Variants in SKAP2 observed in about 807,000 individuals in gnomAD.
SKAP2 encodes src kinase-associated phosphoprotein 2.
SKAP2 carries 28 observed loss-of-function variants against 54.9 expected under a neutral mutation model. The observed-to-expected ratio is 0.51, with a 90% CI of 0.38 to 0.70. The LOEUF is 0.70. Among genes scored for constraint, SKAP2 ranks in the 30% least tolerant of loss-of-function variants. The pLI is 0.00. For missense variants in SKAP2, 356 were observed against 424.1 expected (o/e 0.84, Z 1.41); for synonymous variants, 137 against 134.3 (o/e 1.02, Z -0.14).
chr7:26,761,807 C>T (rs1782937009), intron 4 of SKAP2, among the ~76,000 whole-genome samples: 1 of 152,122 alleles, frequency 6.6e-6, no homozygotes, highest in East Asian at 1.9e-4. Flanking sequence ...GTCTGAGGCA[C>T]AAGAATTGGT....
chr7:26,705,955 T>G (rs893725940), intron 9 of SKAP2, among the ~76,000 whole-genome samples: 6 of 152,226 alleles, frequency 3.9e-5, no homozygotes, highest in African/African-American at 1.4e-4. Context: ...TAGGCTTTTT[T>G]TAAAGTAGAT....
intron 4 of SKAP2, among the ~76,000 whole-genome samples, chr7:26,841,820 T>C (rs906003900): frequency 4.5e-4 from 68 of 152,190 alleles, no homozygotes; most frequent in African/African-American, 1.6e-3. Context: ...GAAGTTTAGA[T>C]ACTTTCTTAG....
intron 9 of SKAP2, among the ~76,000 whole-genome samples, chr7:26,704,880 T>C (rs1016730927): frequency 3.9e-5 from 6 of 152,192 alleles, no homozygotes; most frequent in Admixed American, 3.3e-4. Flanking sequence ...AAGGGATAGG[T>C]TGAACTCTCA....
At chr7:26,678,695 C>A (rs931398807) in intron 11 of SKAP2, among the ~76,000 whole-genome samples, 3 of 152,136 alleles carry the variant, frequency 2.0e-5, no homozygotes, top group African/African-American at 7.2e-5. Flanking sequence ...CCTGCCTCGG[C>A]CTCCCAAAGT....
At chr7:26,729,847 C>A (rs1242016950) in intron 6 of SKAP2, among the ~76,000 whole-genome samples, 1 of 152,098 alleles carries the variant, frequency 6.6e-6, no homozygotes, top group Non-Finnish European at 1.5e-5. Context: ...AAGAAAACTT[C>A]ATTCCATCAA....
At chr7:26,821,582 T>C (rs3801822) in intron 4 of SKAP2, among the ~76,000 whole-genome samples, 32,220 of 152,032 alleles carry the variant, frequency 0.21, 3,469 homozygotes, top group Non-Finnish European at 0.24. Flanking sequence ...ATCAATGATT[T>C]GCCACATCTC....
At chr7:26,719,002 G>C (rs1480842176) in intron 9 of SKAP2, among the ~76,000 whole-genome samples, 2 of 152,038 alleles carry the variant, frequency 1.3e-5, no homozygotes, top group Non-Finnish European at 2.9e-5. Flanking sequence ...AGCATAGTAA[G>C]ACTCCATTTC....
chr7:26,792,569 T>A (rs552253996), intron 4 of SKAP2, among the ~76,000 whole-genome samples: 1 of 152,146 alleles, frequency 6.6e-6, no homozygotes, highest in African/African-American at 2.4e-5. Context: ...AACTCAGATA[T>A]AAATGGAAAA....
At chr7:26,811,927 T>C (rs1784155079) in intron 4 of SKAP2, among the ~76,000 whole-genome samples, 1 of 152,342 alleles carries the variant, frequency 6.6e-6, no homozygotes, top group Admixed American at 6.5e-5. Flanking sequence ...AGTAAAATGC[T>C]AGCAAAAGCT....
chr7:26,862,833 T>G (rs1785297379), intron 1 of SKAP2, among the ~76,000 whole-genome samples: 1 of 152,114 alleles, frequency 6.6e-6, no homozygotes, highest in African/African-American at 2.4e-5. Context: ...TGTTATTTCT[T>G]AAATTCAAAA....
chr7:26,657,013 G>T, the SKAP2 span, among the ~76,000 whole-genome samples: 1 of 152,084 alleles, frequency 6.6e-6, no homozygotes, highest in Non-Finnish European at 1.5e-5. Flanking sequence ...ACAGCTGGAG[G>T]TTTAAGTAAA....
intron 9 of SKAP2, among the ~76,000 whole-genome samples, chr7:26,708,611 T>C (rs1200559303): frequency 6.6e-6 from 1 of 152,228 alleles, no homozygotes; most frequent in Non-Finnish European, 1.5e-5. Flanking sequence ...CTTCAGTATG[T>C]TCTATAGGTG....
chr7:26,831,011 G>A (rs1161875294), intron 4 of SKAP2, among the ~76,000 whole-genome samples: 4 of 152,054 alleles, frequency 2.6e-5, no homozygotes, highest in African/African-American at 7.2e-5. Flanking sequence ...AGAATTATGA[G>A]GTTTTGATTG....
At chr7:26,797,485 C>A (rs1421906542) in intron 4 of SKAP2, among the ~76,000 whole-genome samples, 1 of 152,176 alleles carries the variant, frequency 6.6e-6, no homozygotes, top group Non-Finnish European at 1.5e-5. Flanking sequence ...CATTACTTGG[C>A]TAGGGGTGCT....
At chr7:26,755,901 C>A (rs1415557631) in intron 4 of SKAP2, among the ~76,000 whole-genome samples, 1 of 152,066 alleles carries the variant, frequency 6.6e-6, no homozygotes, top group African/African-American at 2.4e-5. Context: ...TTTGACAATA[C>A]CCTGATAATT....
the SKAP2 span, among the ~76,000 whole-genome samples, chr7:26,657,200 G>A: frequency 1.3e-5 from 2 of 152,174 alleles, no homozygotes; most frequent in African/African-American, 4.8e-5. Flanking sequence ...GTGACTTGTT[G>A]TATCAGCTAT....
At position 26,834,832 on chromosome 7, in the gene SKAP2, C is replaced by G. The variant is rs547543353; in HGVS notation, c.307+9198G>C. Among the ~76,000 whole-genome samples the G allele has an allele frequency of 8.5e-5, 13 of 152,334 alleles. No homozygotes were observed. In the East Asian group the frequency reaches 2.5e-3, roughly 29 times the overall value. ...ACAACAGAAAAAGAGGGACTCCTCC[C>G]TAACACATTTTATGAGGCCAGCATC... is the stretch of plus-strand genomic sequence containing the variant. On this transcript the variant is annotated intron_variant, in intron 4 of 12. Transcript: ENST00000345317.
chr7:26,827,852 T>A (rs536270380), intron 4 of SKAP2, among the ~76,000 whole-genome samples: 1 of 152,296 alleles, frequency 6.6e-6, no homozygotes, highest in Admixed American at 6.5e-5. Flanking sequence ...AGATCACAAA[T>A]CAGGACCAGT....
intron 3 of SKAP2, among the ~76,000 whole-genome samples, chr7:26,845,512 C>T (rs984787774): frequency 6.6e-6 from 1 of 152,176 alleles, no homozygotes; most frequent in African/African-American, 2.4e-5. Flanking sequence ...GTTACTCCCA[C>T]AGTTAAAATT....
Sources: gnomAD v4.1 joint callset for allele counts (sites outside exome capture counted in the v4.1 genomes callset) on GRCh38, gnomAD v4.1.1 for gene constraint, MANE v1.5 for transcripts, NCBI Gene and HGNC (gene_info 2026-07-23, HGNC 2026-07-21) for gene names.